ITPR1: variants seen among roughly 807,000 people sequenced by gnomAD.
The protein encoded by ITPR1 is inositol 1,4,5-trisphosphate receptor type 1.
Under a neutral mutation model 318.4 loss-of-function variants are expected in ITPR1, and 96 were observed. The observed-to-expected ratio is 0.30, with a 90% CI of 0.26 to 0.36. The LOEUF (loss-of-function observed/expected upper bound fraction) is 0.36, where lower values mean the gene tolerates loss of function less well. Ranked by LOEUF, ITPR1 falls within the 10% of genes least tolerant of loss-of-function variation. The pLI, the probability that ITPR1 is intolerant of heterozygous loss-of-function variation, is 1.00. For synonymous variants in ITPR1, 1,312 were observed against 1,289.9 expected (o/e 1.02, Z -0.37); for missense variants, 2,440 against 3,460.2 (o/e 0.71, Z 7.40).
chr3:4,843,877 CT>C (rs2051557366), intron 61 of ITPR1, among the ~76,000 whole-genome samples: 1 of 152,150 alleles, frequency 6.6e-6, no homozygotes, highest in Non-Finnish European at 1.5e-5. Flanking sequence ...TCAGAGGTTT[CT>C]TCAAGTTGAA....
chr3:4,511,041 G>C (rs1445304795), intron 2 of ITPR1, among the ~76,000 whole-genome samples: 1 of 152,040 alleles, frequency 6.6e-6, no homozygotes, highest in Non-Finnish European at 1.5e-5. Flanking sequence ...AATTCTTTTT[G>C]GTACATTGAG....
At chr3:4,497,950 G>A (rs2080724644) in intron 2 of ITPR1, among the ~76,000 whole-genome samples, 3 of 152,268 alleles carry the variant, frequency 2.0e-5, no homozygotes, top group South Asian at 2.1e-4. Flanking sequence ...AGAAATAAAA[G>A]GACACATATT....
chr3:4,723,777 T>C (rs942366326), intron 40 of ITPR1, among the ~76,000 whole-genome samples: 1 of 152,038 alleles, frequency 6.6e-6, no homozygotes, highest in Non-Finnish European at 1.5e-5. Flanking sequence ...TTTGTTCTGA[T>C]CATATTGGAT....
At chr3:4,623,873 A>G (rs906414258) in intron 4 of ITPR1, among the ~76,000 whole-genome samples, 5 of 152,224 alleles carry the variant, frequency 3.3e-5, no homozygotes, top group Non-Finnish European at 7.3e-5. Flanking sequence ...CACTTAATGC[A>G]ATGCAATACT....
chr3:4,565,175 C>T (rs2087101673), intron 4 of ITPR1, among the ~76,000 whole-genome samples: 1 of 152,170 alleles, frequency 6.6e-6, no homozygotes. Flanking sequence ...GGAGTTTGTT[C>T]TGTGAGCAGC....
At chr3:4,568,400 C>T (rs934768951) in intron 4 of ITPR1, among the ~76,000 whole-genome samples, 1 of 152,180 alleles carries the variant, frequency 6.6e-6, no homozygotes, top group African/African-American at 2.4e-5. Flanking sequence ...GTGCCAGATG[C>T]AGGGGATCCC....
At chr3:4,814,328 C>A in intron 57 of ITPR1, 95 bp from the exon 58 acceptor site, 2 of 1,266,036 alleles carry the variant, frequency 1.6e-6, no homozygotes, top group Non-Finnish European at 2.3e-6. Context: ...CTTTCGTGTG[C>A]CTGGTGAGAT....
At chr3:4,595,512 A>T (rs753543021) in intron 4 of ITPR1, among the ~76,000 whole-genome samples, 13 of 152,250 alleles carry the variant, frequency 8.5e-5, no homozygotes, top group Non-Finnish European at 1.6e-4. Context: ...ACAATTCCAC[A>T]TGAGATTTGG....
rs1337586372 is a variant in ITPR1, at chr3:4,645,377, T to A, written c.625-10T>A. 1 of 1,599,804 alleles carries A rather than the reference T, an allele frequency of 6.3e-7. No homozygotes were observed. On this transcript the variant is annotated splice_polypyrimidine_tract_variant and intron_variant, in intron 8 of 61. Coordinates refer to ENST00000649015, the MANE Select transcript of ITPR1 (RefSeq NM_001378452.1). ...GGTACGTGAAAAAATAACTCGAATC[T>A]GTGTTTCAGGTCAATTCCGTCAACT...
At chr3:4,829,957 T>TTTTTG in intron 60 of ITPR1, among the ~76,000 whole-genome samples, 4 of 77,070 alleles carry the variant, frequency 5.2e-5, no homozygotes, top group African/African-American at 1.8e-4. Flanking sequence ...TATAACAGTT[T>TTTTTG]TTTTTTTTTT....
intron 52 of ITPR1, among the ~76,000 whole-genome samples, chr3:4,789,822 G>A (rs2047441817): frequency 6.6e-6 from 1 of 152,136 alleles, no homozygotes; most frequent in Admixed American, 6.5e-5. Context: ...GCTTCACCAT[G>A]TTGGCCAGGA....
At chr3:4,681,907 A>G (rs906611111) in intron 26 of ITPR1, among the ~76,000 whole-genome samples, 3 of 151,852 alleles carry the variant, frequency 2.0e-5, no homozygotes, top group Admixed American at 6.6e-5. Context: ...TAATGTATGA[A>G]CCCCTTTAAA....
chr3:4,584,703 A>G (rs1338152033), intron 4 of ITPR1, among the ~76,000 whole-genome samples: 3 of 152,150 alleles, frequency 2.0e-5, no homozygotes, highest in African/African-American at 7.2e-5. Flanking sequence ...TTCATTTTCA[A>G]GAACCTGTTG....
chr3:4,804,614 G>A (rs992701013), intron 54 of ITPR1, among the ~76,000 whole-genome samples: 4 of 152,138 alleles, frequency 2.6e-5, no homozygotes, highest in Admixed American at 1.3e-4. Flanking sequence ...CAGGATCTGG[G>A]GTGTGTTTGA....
At chr3:4,725,634 C>A in intron 41 of ITPR1, 53 bp downstream of exon 41, 1 of 1,463,584 alleles carries the variant, frequency 6.8e-7, no homozygotes, top group Non-Finnish European at 9.5e-7. Flanking sequence ...ATGGATGCCT[C>A]TCAGTTGTCC....
chr3:4,832,701 A>G (rs1307643879), intron 60 of ITPR1, among the ~76,000 whole-genome samples: 1 of 152,218 alleles, frequency 6.6e-6, no homozygotes, highest in Non-Finnish European at 1.5e-5. Context: ...AAATATTTCA[A>G]TCATTTACCA....
chr3:4,560,796 G>A (rs1173779583), intron 4 of ITPR1, among the ~76,000 whole-genome samples: 1 of 152,202 alleles, frequency 6.6e-6, no homozygotes, highest in Admixed American at 6.5e-5. Flanking sequence ...AAGTAGAGGT[G>A]ACAGCGACTT....
At chr3:4,532,515 CGT>C (rs1559397182) in intron 4 of ITPR1, among the ~76,000 whole-genome samples, 2 of 152,126 alleles carry the variant, frequency 1.3e-5, no homozygotes, top group South Asian at 2.1e-4. Flanking sequence ...GGATTACAGG[CGT>C]GTGTCACCAC....
At chr3:4,800,729 T>C (rs2048173440) in intron 54 of ITPR1, 129 bp downstream of exon 54, 1 of 954,674 alleles carries the variant, frequency 1.0e-6, no homozygotes, top group Non-Finnish European at 1.6e-6. Flanking sequence ...ACTGTTTAAA[T>C]AGCCAGAAGC....
Sources: allele counts gnomAD v4.1 joint callset (sites outside exome capture counted in the v4.1 genomes callset), GRCh38; gene constraint gnomAD v4.1.1; transcripts MANE v1.5; gene names NCBI Gene and HGNC (gene_info 2026-07-23, HGNC 2026-07-21).